Variants in DAB1 observed in about 807,000 individuals in gnomAD.
DAB1 encodes the protein DAB adaptor protein 1.
Under a neutral mutation model 64.6 loss-of-function variants are expected in DAB1, and 15 were observed. The observed-to-expected ratio is 0.23, with a 90% confidence interval of 0.16 to 0.36. DAB1 has a LOEUF of 0.36. DAB1 is among the 10% of genes least tolerant of loss of function. The pLI is 1.00. For missense variants in DAB1, 596 were observed against 706.7 expected (o/e 0.84, Z 1.78); for synonymous variants, 235 against 251.9 (o/e 0.93, Z 0.64).
At chr1:58,398,186 A>T (rs1276929815) in intron 3 of DAB1, among the ~76,000 whole-genome samples, 2 of 152,218 alleles carry the variant, frequency 1.3e-5, no homozygotes, top group Non-Finnish European at 2.9e-5. Flanking sequence ...TACTCTGCTG[A>T]CATAAAGAGT....
chr1:57,006,141 G>A (rs1001535320), intron 14 of DAB1, among the ~76,000 whole-genome samples: 1 of 152,180 alleles, frequency 6.6e-6, no homozygotes, highest in African/African-American at 2.4e-5. Flanking sequence ...TATTTACAGA[G>A]AGTTTGGCAA....
At chr1:57,057,703 G>T (rs1338390592) in intron 9 of DAB1, among the ~76,000 whole-genome samples, 1 of 151,744 alleles carries the variant, frequency 6.6e-6, no homozygotes, top group African/African-American at 2.4e-5. Context: ...TGCCTCCCGG[G>T]TTCACACCAT....
chr1:57,415,744 A>G (rs1279756868), intron 1 of DAB1, among the ~76,000 whole-genome samples: 1 of 152,188 alleles, frequency 6.6e-6, no homozygotes, highest in Non-Finnish European at 1.5e-5. Flanking sequence ...TCAGAATAAC[A>G]TGGCCTGCAA....
chr1:58,144,618 G>A (rs565444503), intron 5 of DAB1, among the ~76,000 whole-genome samples: 12 of 152,288 alleles, frequency 7.9e-5, no homozygotes, highest in South Asian at 2.1e-4. Flanking sequence ...GCACTAGGTC[G>A]CAAAGTTGGT....
At chr1:57,889,906 G>GT (rs1182854283) in intron 5 of DAB1, among the ~76,000 whole-genome samples, 1 of 126,922 alleles carries the variant, frequency 7.9e-6, no homozygotes, top group African/African-American at 3.0e-5. Flanking sequence ...GGGCGGGGGG[G>GT]GGGGAGGGGG....
At chr1:57,800,559 G>T (rs193208453) in intron 6 of DAB1, among the ~76,000 whole-genome samples, 1 of 152,182 alleles carries the variant, frequency 6.6e-6, no homozygotes, top group African/African-American at 2.4e-5. Flanking sequence ...TTCCCCATGC[G>T]ATGGTAACAC....
At chr1:58,009,413 G>A (rs943691433) in intron 5 of DAB1, among the ~76,000 whole-genome samples, 1 of 152,150 alleles carries the variant, frequency 6.6e-6, no homozygotes, top group Non-Finnish European at 1.5e-5. Flanking sequence ...AAGGAAAACT[G>A]AAATAAGGGG....
At chr1:57,351,759 A>G (rs1193107001) in intron 1 of DAB1, among the ~76,000 whole-genome samples, 1 of 152,072 alleles carries the variant, frequency 6.6e-6, no homozygotes, top group African/African-American at 2.4e-5. Context: ...AACTCAGCTA[A>G]GGCCATCATT....
At chr1:58,096,905 T>C (rs912261300) in intron 5 of DAB1, among the ~76,000 whole-genome samples, 1 of 152,236 alleles carries the variant, frequency 6.6e-6, no homozygotes, top group African/African-American at 2.4e-5. Context: ...TGCATTGTGT[T>C]TGTACAACTT....
At chr1:57,550,227 G>T (rs1468925926) in intron 7 of DAB1, among the ~76,000 whole-genome samples, 1 of 152,110 alleles carries the variant, frequency 6.6e-6, no homozygotes, top group Non-Finnish European at 1.5e-5. Context: ...TACTGAGCAG[G>T]CTGTCAATAA....
chr1:57,852,335 A>C (rs1653565425), intron 1 of DAB1, among the ~76,000 whole-genome samples: 1 of 152,206 alleles, frequency 6.6e-6, no homozygotes, highest in African/African-American at 2.4e-5. Context: ...GCACATTTTT[A>C]CATGACTGTC....
chr1:57,541,932 G>A (rs1020680075), intron 7 of DAB1, among the ~76,000 whole-genome samples: 16 of 152,246 alleles, frequency 1.1e-4, no homozygotes, highest in Admixed American at 3.9e-4. Flanking sequence ...TAAACCGCAG[G>A]GGGCTGTGCA....
At chr1:57,213,338 T>G (rs1666175555) in intron 2 of DAB1, among the ~76,000 whole-genome samples, 1 of 152,184 alleles carries the variant, frequency 6.6e-6, no homozygotes, top group Admixed American at 6.5e-5. Flanking sequence ...CTGCATGTAT[T>G]TTGCATGTAC....
chr1:57,701,114 A>G (rs1234749494), intron 6 of DAB1, among the ~76,000 whole-genome samples: 1 of 152,008 alleles, frequency 6.6e-6, no homozygotes, highest in Admixed American at 6.5e-5. Context: ...TGGGACTGTA[A>G]ACTAGTTCAA....
rs3738556 is a variant in DAB1, at chr1:57,069,525, C to A, written c.598-100G>T. 201,289 of 954,090 alleles carry A rather than the reference C, an allele frequency of 0.21. 25,280 individuals carry two copies. Among genetic ancestry groups the A allele is most frequent in the East Asian group, 0.49 (20,040 of 40,768 alleles). 59.1% of individuals were successfully genotyped at this position (954,090 alleles called of 1,614,324 possible). ...AGATACAAATCACAGCGAGCATTAA[C>A]GAAGCAGGCACAAGAGAAAACACCT... On this transcript the variant is annotated intron_variant, in intron 7 of 14. Transcript: ENST00000371236.
chr1:58,210,236 C>T (rs1658487915), intron 4 of DAB1, among the ~76,000 whole-genome samples: 1 of 152,114 alleles, frequency 6.6e-6, no homozygotes, highest in African/African-American at 2.4e-5. Context: ...AAGTCTGTTA[C>T]CTTATTTTAC....
chr1:57,665,158 A>G (rs1646431309), intron 6 of DAB1, among the ~76,000 whole-genome samples: 1 of 152,116 alleles, frequency 6.6e-6, no homozygotes. Context: ...GTAAATTGAC[A>G]AGAATAATAT....
chr1:57,924,101 A>C (rs1644846287), intron 5 of DAB1, among the ~76,000 whole-genome samples: 2 of 152,064 alleles, frequency 1.3e-5, no homozygotes, highest in Non-Finnish European at 2.9e-5. Context: ...TAGCACTTTG[A>C]CTCCTCATAA....
intron 6 of DAB1, among the ~76,000 whole-genome samples, chr1:57,706,904 C>T (rs1646973391): frequency 6.6e-6 from 1 of 152,038 alleles, no homozygotes; most frequent in Non-Finnish European, 1.5e-5. Flanking sequence ...GAAACCCCAT[C>T]TCTACTAAAA....
Sources: allele counts gnomAD v4.1 joint callset (sites outside exome capture counted in the v4.1 genomes callset), GRCh38; gene constraint gnomAD v4.1.1; transcripts MANE v1.5; gene names NCBI Gene and HGNC (gene_info 2026-07-23, HGNC 2026-07-21).